WDR5: variants seen among roughly 807,000 people sequenced by gnomAD.
WDR5 encodes WD repeat domain 5, also known as WD repeat-containing protein 5.
For synonymous variants in WDR5, 144 were observed against 161.6 expected, an observed-to-expected ratio of 0.89 and a Z score of 0.83; for missense variants, 187 against 416.9, an observed-to-expected ratio of 0.45 and a Z score of 4.80.
chr9:134,153,758 T>G (rs1293734174), intron 9 of WDR5, among the ~76,000 whole-genome samples: 1 of 151,696 alleles, frequency 6.6e-6, no homozygotes, highest in East Asian at 1.9e-4. Flanking sequence ...GGTGGGGGTC[T>G]CTGGTGGGGC....
chr9:134,156,482 T>C, intron 12 of WDR5, 24 bp from the exon 13 acceptor site: 1 of 1,611,956 alleles, frequency 6.2e-7, no homozygotes, highest in Non-Finnish European at 8.5e-7. Flanking sequence ...CCTTGCCCTG[T>C]TTTCCCTGCT....
At chr9:134,156,758 T>C (rs577252827) in intron 13 of WDR5, among the ~76,000 whole-genome samples, 165 bp downstream of exon 13, 79 of 152,286 alleles carry the variant, frequency 5.2e-4, no homozygotes, top group African/African-American at 1.9e-3. Context: ...GCCCAAGGCA[T>C]GGAGCTGGTC....
chr9:134,137,427 A>G (rs1588165801), intron 1 of WDR5, among the ~76,000 whole-genome samples: 1 of 152,048 alleles, frequency 6.6e-6, no homozygotes, highest in East Asian at 1.9e-4. Context: ...TCACGCCTGT[A>G]ATCCTAGCAC....
At chr9:134,150,584 A>G (rs918813697) in intron 8 of WDR5, among the ~76,000 whole-genome samples, 2 of 152,230 alleles carry the variant, frequency 1.3e-5, no homozygotes, top group Admixed American at 6.5e-5. Context: ...AAATAGTCCT[A>G]TGAAAATTGA....
At chr9:134,150,440 C>A (rs1387401766) in intron 8 of WDR5, among the ~76,000 whole-genome samples, 1 of 152,164 alleles carries the variant, frequency 6.6e-6, no homozygotes, top group African/African-American at 2.4e-5. Flanking sequence ...TGACCACTTA[C>A]TGGTAACTAA....
intron 1 of WDR5, among the ~76,000 whole-genome samples, chr9:134,138,354 C>T (rs1007214651): frequency 8.7e-5 from 13 of 149,686 alleles, no homozygotes; most frequent in East Asian, 3.9e-4. Flanking sequence ...GGCTGTCTAA[C>T]GCTAGGACTG....
chr9:134,141,652 G>A, intron 4 of WDR5, 69 bp downstream of exon 4: 2 of 1,486,736 alleles, frequency 1.3e-6, no homozygotes, highest in East Asian at 2.3e-5. Flanking sequence ...AGGGGTCAGG[G>A]CTGCTTCGAG....
At position 134,141,539 on chromosome 9, in the gene WDR5, G is replaced by A. The variant is rs777129817; in HGVS notation, c.220G>A (p.Ala74Thr). ...TGATAAACTTATTAAAATTTGGGGC[G>A]CGTATGATGGGAAATTTGAGAAAAC... ...SADKLIKIWG[A>T]YDGKFEKTIS... is the part of the protein sequence containing the mutation. The change falls in exon 4 of 14, where the codon GCG (alanine) becomes ACG (threonine). Residue 74 changes from alanine to threonine, a missense_variant. Physicochemically the swap from Ala to Thr is moderately conservative, Grantham distance 58. Coordinates refer to ENST00000358625, the MANE Select transcript of WDR5 (RefSeq NM_017588.3). 2.4e-5 allele frequency: 38 copies of A among 1,613,904 alleles called. No homozygotes were observed. Among genetic ancestry groups the A allele is most frequent in the African/African-American group, 4.0e-5 (3 of 74,888 alleles).
chr9:134,138,311 T>C lies in WDR5; in HGVS notation c.-58-1509T>C, dbSNP rs993332605. 6.7e-5 allele frequency among the ~76,000 whole-genome samples: 10 copies of C among 148,346 alleles called. 1 individual carries two copies. In the South Asian group the frequency reaches 1.9e-3, roughly 29 times the overall value. On this transcript the variant is annotated intron_variant, in intron 1 of 13. Transcript: ENST00000358625. ...TCTGGTGTTTCGCTTGGGTAGGGCA[T>C]GGGCACAGTTCACTCAGCTCTGGCC...
intron 8 of WDR5, among the ~76,000 whole-genome samples, chr9:134,148,606 C>G (rs552356707): frequency 1.4e-3 from 208 of 152,262 alleles, no homozygotes; most frequent in Non-Finnish European, 2.3e-3. Context: ...CATCAGACTT[C>G]AGCTCCGTGT....
rs1424455855 is a variant in WDR5 at position 134,158,938 on chromosome 9, C to T, written c.*945C>T. On this transcript the variant is annotated 3_prime_UTR_variant, in exon 14 of 14. Coordinates refer to ENST00000358625, the MANE Select transcript of WDR5 (RefSeq NM_017588.3). The stretch of plus-strand genomic sequence containing the variant: ...GACTTGCGTTGGGATGTGGGGGACA[C>T]CTGTGGCATGGTAAGGCTCCCTGAG... 1 of 152,210 alleles carries T rather than the reference C, an allele frequency of 6.6e-6. No homozygotes were observed. Among genetic ancestry groups the T allele is most frequent in the African/African-American group, 2.4e-5 (1 of 41,436 alleles). The allele number at this position is 152,210 out of a possible 1,614,324, so 9.4% of individuals were successfully genotyped here. A position where few individuals can be genotyped will look rare whatever the true frequency, so the allele number is the denominator to read the frequency against.
At chr9:134,143,033 T>C (rs963943247) in intron 7 of WDR5, among the ~76,000 whole-genome samples, 3 of 151,362 alleles carry the variant, frequency 2.0e-5, no homozygotes, top group Admixed American at 1.3e-4. Flanking sequence ...CCTGAACTGA[T>C]GCACGGGACA....
At chr9:134,149,149 G>A (rs756898530) in intron 8 of WDR5, among the ~76,000 whole-genome samples, 3 of 152,152 alleles carry the variant, frequency 2.0e-5, no homozygotes, top group Admixed American at 6.5e-5. Context: ...GACTGTTGGC[G>A]TGGGGATCCC....
chr9:134,153,549 G>A (rs1832599098), intron 9 of WDR5, among the ~76,000 whole-genome samples: 1 of 152,240 alleles, frequency 6.6e-6, no homozygotes, highest in African/African-American at 2.4e-5. Flanking sequence ...CTGCCTGGCG[G>A]TGTGACGTGG....
intron 8 of WDR5, among the ~76,000 whole-genome samples, chr9:134,150,792 G>A (rs1290572238): frequency 6.6e-6 from 1 of 152,134 alleles, no homozygotes; most frequent in Non-Finnish European, 1.5e-5. Flanking sequence ...TCTGGGCCTG[G>A]AACCCCCTGC....
At chr9:134,137,690 A>C (rs1162627020) in intron 1 of WDR5, among the ~76,000 whole-genome samples, 1 of 151,298 alleles carries the variant, frequency 6.6e-6, no homozygotes, top group African/African-American at 2.4e-5. Context: ...AAAACAAAAA[A>C]AAAACACGCC....
intron 9 of WDR5, among the ~76,000 whole-genome samples, chr9:134,153,134 T>C (rs1564195894): frequency 6.6e-6 from 1 of 152,154 alleles, no homozygotes; most frequent in Non-Finnish European, 1.5e-5. Flanking sequence ...ACACCGCACT[T>C]GGTGTCCCCT....
Position 134,139,834 on chromosome 9 carries a change from C to G in WDR5, c.-44C>G, listed in dbSNP as rs189773125. ...TCGCTCAACAGACTGCCTCTGTCACCGGGTCCCTCCACCCTTGTCTCCTGT... is the reference window on the plus strand; with the variant it reads ...TCGCTCAACAGACTGCCTCTGTCACGGGGTCCCTCCACCCTTGTCTCCTGT... On this transcript the variant is annotated 5_prime_UTR_variant, in exon 2 of 14. Coordinates refer to ENST00000358625, the MANE Select transcript of WDR5 (RefSeq NM_017588.3). 2.5e-6 allele frequency: 4 copies of G among 1,607,664 alleles called. No homozygotes were observed. In the South Asian group the frequency reaches 3.3e-5, roughly 13 times the overall value.
At chr9:134,139,587 G>C (rs1831767440) in intron 1 of WDR5, among the ~76,000 whole-genome samples, 1 of 152,122 alleles carries the variant, frequency 6.6e-6, no homozygotes, top group East Asian at 1.9e-4. Context: ...GCTTGAGGGT[G>C]GGGTCTTTCA....
Sources: gnomAD v4.1 joint callset for allele counts (sites outside exome capture counted in the v4.1 genomes callset) on GRCh38, gnomAD v4.1.1 for gene constraint, MANE v1.5 for transcripts, NCBI Gene and HGNC (gene_info 2026-07-23, HGNC 2026-07-21) for gene names.